Variants in SND1 observed in about 807,000 individuals in gnomAD.
SND1 encodes staphylococcal nuclease and tudor domain containing 1, also known as staphylococcal nuclease domain-containing protein 1.
Under a neutral mutation model 121.7 loss-of-function variants are expected in SND1, and 38 were observed. The ratio of observed to expected loss-of-function variants is 0.31; its 90% CI spans 0.24 to 0.41. The LOEUF (loss-of-function observed/expected upper bound fraction) is 0.41. SND1 is among the 10% of genes least tolerant of loss of function. The pLI is 1.00. For missense variants in SND1, 868 were observed against 1,184.6 expected (o/e 0.73, Z 3.92); for synonymous variants, 401 against 447.4 (o/e 0.90, Z 1.31).
chr7:127,971,037 AC>A (rs1208604156), intron 15 of SND1, among the ~76,000 whole-genome samples: 1 of 152,246 alleles, frequency 6.6e-6, no homozygotes, highest in African/African-American at 2.4e-5. Flanking sequence ...TTACAGGACC[AC>A]AAAAGCAGTG....
chr7:127,773,368 C>T (rs895915136), intron 10 of SND1, among the ~76,000 whole-genome samples: 5 of 151,662 alleles, frequency 3.3e-5, no homozygotes, highest in Non-Finnish European at 7.4e-5. Context: ...AGAGGAATCG[C>T]GTGAATCCGG....
chr7:127,859,584 CT>C (rs1799342139), intron 12 of SND1, among the ~76,000 whole-genome samples: 1 of 152,090 alleles, frequency 6.6e-6, no homozygotes, highest in Admixed American at 6.6e-5. Flanking sequence ...ATTCTTGGCC[CT>C]TGATTTCTTG....
At chr7:127,656,483 C>A (rs1795212026) in intron 1 of SND1, among the ~76,000 whole-genome samples, 2 of 152,026 alleles carry the variant, frequency 1.3e-5, no homozygotes, top group African/African-American at 4.8e-5. Flanking sequence ...TCAGCATGCC[C>A]AGCTAACTTT....
In SND1 at chr7:127,789,096, G is replaced by C. The variant is rs1442791095; in HGVS notation, c.1153-18388G>C. Among the ~76,000 whole-genome samples the C allele has an allele frequency of 2.0e-5, 3 of 152,260 alleles. No individual in the cohort carries two copies. In the East Asian group the frequency reaches 5.8e-4, roughly 29 times the overall value. On this transcript the variant is annotated intron_variant, in intron 10 of 23. Coordinates refer to ENST00000354725, the MANE Select transcript of SND1 (RefSeq NM_014390.4). ...TTTTACCCTGAAAGACTTCACACTT[G>C]CTTAGGCAAATATGTGTGCAGGACT...
chr7:127,914,209 C>T (rs975234493), intron 14 of SND1, among the ~76,000 whole-genome samples: 8 of 152,198 alleles, frequency 5.3e-5, no homozygotes, highest in Non-Finnish European at 8.8e-5. Flanking sequence ...ATACTTCACC[C>T]GCAGTAGAGC....
intron 10 of SND1, among the ~76,000 whole-genome samples, chr7:127,804,161 A>G (rs997409051): frequency 2.6e-5 from 4 of 152,276 alleles, no homozygotes; most frequent in African/African-American, 9.6e-5. Flanking sequence ...AGGCTTTTAT[A>G]TACCTGGTAA....
At chr7:127,664,404 GTAAGGTAACCTCCT>G (rs1406739724) in intron 1 of SND1, among the ~76,000 whole-genome samples, 7 of 152,186 alleles carry the variant, frequency 4.6e-5, no homozygotes, top group Non-Finnish European at 7.4e-5. Context: ...TCATGCCAAT[GTAAGGTAACCTCCT>G]TAAATGATGG....
chr7:127,705,785 T>A (rs1188376301), intron 8 of SND1, among the ~76,000 whole-genome samples: 1 of 152,208 alleles, frequency 6.6e-6, no homozygotes, highest in Non-Finnish European at 1.5e-5. Flanking sequence ...ATGACAGTAG[T>A]CCACTCTCAA....
intron 10 of SND1, among the ~76,000 whole-genome samples, chr7:127,796,574 C>T (rs1396816820): frequency 1.3e-5 from 2 of 152,092 alleles, no homozygotes; most frequent in Non-Finnish European, 2.9e-5. Context: ...TACAATAATA[C>T]AAGGCAGAAA....
At chr7:127,993,294 A>G (rs1378341881) in intron 16 of SND1, among the ~76,000 whole-genome samples, 2 of 152,186 alleles carry the variant, frequency 1.3e-5, no homozygotes, top group African/African-American at 2.4e-5. Flanking sequence ...TTACCTATGT[A>G]GTACCTCCAT....
chr7:127,947,240 T>C (rs986541660), intron 15 of SND1, among the ~76,000 whole-genome samples: 8 of 152,212 alleles, frequency 5.3e-5, no homozygotes, highest in African/African-American at 1.9e-4. Context: ...CCTAAAAGTA[T>C]AATAGCATTT....
chr7:127,917,278 G>A (rs537611963), intron 14 of SND1, among the ~76,000 whole-genome samples: 5 of 152,268 alleles, frequency 3.3e-5, no homozygotes, highest in South Asian at 2.1e-4. Flanking sequence ...CAAATACACC[G>A]AAAGCACTAA....
intron 2 of SND1, among the ~76,000 whole-genome samples, chr7:127,691,786 T>TC (rs1795922912): frequency 6.8e-6 from 1 of 146,950 alleles, no homozygotes; most frequent in East Asian, 2.0e-4. Context: ...CTAATTTTTT[T>TC]TTTTTTTTTT....
chr7:127,962,074 A>G (rs1204903974), intron 15 of SND1, among the ~76,000 whole-genome samples: 1 of 152,306 alleles, frequency 6.6e-6, no homozygotes, highest in African/African-American at 2.4e-5. Context: ...CACATAATTT[A>G]TGCCTTTTCT....
In SND1 at chr7:127,652,432, A is replaced by G; in HGVS notation, c.59A>G (p.Gln20Arg). 6.4e-7 allele frequency: 1 copy of G among 1,570,338 alleles called. No individual in the cohort carries two copies. Residue 20 changes from glutamine (Q) to arginine (R), a missense_variant, in exon 1 of 24, where the codon CAG (glutamine) becomes CGG (arginine). Coordinates refer to ENST00000354725, the MANE Select transcript of SND1 (RefSeq NM_014390.4). ...GGGGGACCCGCGGTCCCCACCGTGCAGCGGGGCATCATCAAGATGGTGAGA... is the reference window on the plus strand; with the variant it reads ...GGGGGACCCGCGGTCCCCACCGTGCGGCGGGGCATCATCAAGATGGTGAGA... ...SSGGPAVPTVQRGIIKMVLSG... is the reference protein window; with the variant it reads ...SSGGPAVPTVRRGIIKMVLSG...
At chr7:128,003,604 G>A (rs189127244) in intron 16 of SND1, among the ~76,000 whole-genome samples, 18 of 152,242 alleles carry the variant, frequency 1.2e-4, no homozygotes, top group Admixed American at 5.2e-4. Flanking sequence ...CTGGGGTGCC[G>A]TTACCTCTCC....
intron 14 of SND1, among the ~76,000 whole-genome samples, chr7:127,924,528 A>C (rs1800791909): frequency 2.0e-5 from 3 of 152,150 alleles, no homozygotes; most frequent in Non-Finnish European, 4.4e-5. Flanking sequence ...CATGGGAATC[A>C]CTTTGCATAC....
At chr7:127,895,749 T>C (rs912005692) in intron 13 of SND1, among the ~76,000 whole-genome samples, 3 of 152,134 alleles carry the variant, frequency 2.0e-5, no homozygotes, top group Non-Finnish European at 4.4e-5. Flanking sequence ...AACATCCAAA[T>C]AGCAGTAATC....
chr7:128,055,832 C>A (rs557590437), intron 16 of SND1, among the ~76,000 whole-genome samples: 1 of 152,174 alleles, frequency 6.6e-6, no homozygotes, highest in African/African-American at 2.4e-5. Context: ...CTTCATCCCC[C>A]ACTCGCTGGG....
Sources: gnomAD v4.1 joint callset for allele counts (sites outside exome capture counted in the v4.1 genomes callset) on GRCh38, gnomAD v4.1.1 for gene constraint, MANE v1.5 for transcripts, NCBI Gene and HGNC (gene_info 2026-07-23, HGNC 2026-07-21) for gene names.